Variants in NAALADL2 observed in about 807,000 individuals in gnomAD.
The protein encoded by NAALADL2 is N-acetylated alpha-linked acidic dipeptidase like 2.
A neutral mutation model predicts 87.2 loss-of-function variants in NAALADL2; 76 were observed. The observed-to-expected ratio is 0.87, with a 90% confidence interval of 0.72 to 1.05. The LOEUF (loss-of-function observed/expected upper bound fraction) is 1.05. Among genes scored for constraint, NAALADL2 ranks in the 50% least tolerant of loss-of-function variants. The pLI, the probability that NAALADL2 is intolerant of heterozygous loss-of-function variation, is 0.00. For missense variants in NAALADL2, 1,089 were observed against 945.8 expected, an observed-to-expected ratio of 1.15 and a Z score of -1.99; for synonymous variants, 354 against 331.0, an observed-to-expected ratio of 1.07 and a Z score of -0.75.
chr3:175,727,074 C>T (rs1226136037), intron 11 of NAALADL2, among the ~76,000 whole-genome samples: 1 of 152,090 alleles, frequency 6.6e-6, no homozygotes, highest in African/African-American at 2.4e-5. Flanking sequence ...TGTCTTCTTT[C>T]TTTGCTTCAC....
chr3:175,613,882 A>G (rs2094549757), intron 10 of NAALADL2, among the ~76,000 whole-genome samples: 1 of 152,202 alleles, frequency 6.6e-6, no homozygotes, highest in African/African-American at 2.4e-5. Context: ...TTCATGTTAT[A>G]GAATACAAGG....
At chr3:175,427,913 G>A (rs1477654538) in intron 5 of NAALADL2, among the ~76,000 whole-genome samples, 4 of 152,048 alleles carry the variant, frequency 2.6e-5, no homozygotes, top group Non-Finnish European at 5.9e-5. Context: ...TTGTAGAAAC[G>A]TTGACATATA....
At chr3:175,681,112 A>C (rs1735534957) in intron 11 of NAALADL2, among the ~76,000 whole-genome samples, 1 of 152,086 alleles carries the variant, frequency 6.6e-6, no homozygotes, top group Non-Finnish European at 1.5e-5. Context: ...GCTCTGTCTC[A>C]AAACAAAACA....
chr3:174,640,484 A>G (rs9850630), intron 2 of NAALADL2, among the ~76,000 whole-genome samples: 12,558 of 152,038 alleles, frequency 0.083, 1,488 homozygotes, highest in African/African-American at 0.26. Context: ...AAAAATGGGA[A>G]AGAGTCCACC....
At chr3:175,409,849 C>T (rs540806748) in intron 5 of NAALADL2, among the ~76,000 whole-genome samples, 5 of 151,948 alleles carry the variant, frequency 3.3e-5, no homozygotes, top group Admixed American at 1.3e-4. Flanking sequence ...TAACCTTTAT[C>T]AGGAAAGTTC....
intron 4 of NAALADL2, among the ~76,000 whole-genome samples, chr3:175,298,227 G>A (rs1581307745): frequency 6.6e-6 from 1 of 152,078 alleles, no homozygotes; most frequent in South Asian, 2.1e-4. Flanking sequence ...CTGTGGTAAA[G>A]CAACTCTGCA....
intron 3 of NAALADL2, among the ~76,000 whole-genome samples, chr3:174,817,162 A>G (rs1161120148): frequency 2.6e-5 from 4 of 152,216 alleles, no homozygotes; most frequent in Admixed American, 1.3e-4. Flanking sequence ...TGACTAGATA[A>G]TCCACAGGGA....
chr3:175,344,007 T>A (rs905300354), intron 5 of NAALADL2, among the ~76,000 whole-genome samples: 3 of 152,096 alleles, frequency 2.0e-5, no homozygotes, highest in African/African-American at 7.2e-5. Flanking sequence ...GTAAGTCCAT[T>A]TCTGTCTCCT....
chr3:175,240,922 A>G (rs1746754970), intron 3 of NAALADL2, among the ~76,000 whole-genome samples: 1 of 152,154 alleles, frequency 6.6e-6, no homozygotes, highest in Non-Finnish European at 1.5e-5. Context: ...TGGCCTCACA[A>G]AGTGCTAGGA....
rs372737114 is a variant in NAALADL2 at position 175,366,084 on chromosome 3, C to T, written c.1090+41759C>T. ...CCATGTGTTCTCATTGTTCAATTCC[C>T]ATCTGTGAGTGAGAACATGCAGTGT... On this transcript the variant is annotated intron_variant, in intron 5 of 13. Transcript: ENST00000454872. Among the ~76,000 whole-genome samples, 2 of 127,162 alleles carry T rather than the reference C, an allele frequency of 1.6e-5. 1 individual carries two copies. The highest frequency in any genetic ancestry group is 5.6e-4 in the South Asian group (2 of 3,570). The allele number at this position is 127,162 out of a possible 152,430, so 83.4% of individuals were successfully genotyped here. A position where few individuals can be genotyped will look rare whatever the true frequency, so the allele number is the denominator to read the frequency against.
Position 174,713,976 on chromosome 3 carries a change from T to C in NAALADL2, c.-114-23665T>C, listed in dbSNP as rs539805647. ...TTAATCCATCTTGAATTAATTTTTA[T>C]ATAAGGTGTGAGGAAGGGATCCAGT... On this transcript the variant is annotated intron_variant, in intron 2 of 3. Coordinates refer to the NAALADL2 transcript ENST00000434257. 1.8e-4 allele frequency among the ~76,000 whole-genome samples: 27 copies of C among 152,290 alleles called. 2 individuals carry two copies. The South Asian group carries it at 5.6e-3, about 32-fold the overall frequency.
chr3:175,695,068 C>T (rs1406636431), intron 11 of NAALADL2, among the ~76,000 whole-genome samples: 2 of 147,452 alleles, frequency 1.4e-5, no homozygotes, highest in Non-Finnish European at 3.0e-5. Flanking sequence ...CATATAGGTG[C>T]TTGAAAAAAA....
At chr3:175,667,241 A>AAGAGAAAAAG (rs1182682303) in intron 11 of NAALADL2, among the ~76,000 whole-genome samples, 1 of 91,716 alleles carries the variant, frequency 1.1e-5, no homozygotes, top group Admixed American at 1.0e-4. Flanking sequence ...GAAAGAAAGA[A>AAGAGAAAAAG]AAAGAAAGAA....
At chr3:175,463,722 GA>G (rs1337037992) in intron 7 of NAALADL2, among the ~76,000 whole-genome samples, 1 of 151,118 alleles carries the variant, frequency 6.6e-6, no homozygotes, top group African/African-American at 2.5e-5. Context: ...GAGAGAGAGA[GA>G]GAGAGAGAGA....
chr3:175,652,262 G>A (rs1730861110), intron 11 of NAALADL2, among the ~76,000 whole-genome samples: 1 of 152,064 alleles, frequency 6.6e-6, no homozygotes, highest in Non-Finnish European at 1.5e-5. Flanking sequence ...TATATGGGGA[G>A]GCAGTGAAGG....
intron 2 of NAALADL2, among the ~76,000 whole-genome samples, chr3:175,110,446 C>T (rs1046320848): frequency 1.3e-5 from 2 of 151,666 alleles, no homozygotes; most frequent in African/African-American, 4.8e-5. Context: ...TTCAGCCCTT[C>T]GTATGTATAG....
In NAALADL2 at chr3:175,482,739, C is replaced by T. The variant is rs1726677353; in HGVS notation, c.1653+10981C>T. Reference sequence around the variant, plus strand: ...TTACAAAATAATAGTAAATTTAGGACACATTAATACTCTATCTGGATAATA... The same window carrying T: ...TTACAAAATAATAGTAAATTTAGGATACATTAATACTCTATCTGGATAATA... On this transcript the variant is annotated intron_variant, in intron 9 of 13. Transcript: ENST00000454872. 2.6e-5 allele frequency among the ~76,000 whole-genome samples: 4 copies of T among 151,680 alleles called. No individual in the cohort carries two copies. The South Asian group carries it at 8.3e-4, about 31-fold the overall frequency.
chr3:175,071,118 A>G (rs1312482353), intron 1 of NAALADL2, among the ~76,000 whole-genome samples: 1 of 152,084 alleles, frequency 6.6e-6, no homozygotes, highest in South Asian at 2.1e-4. Context: ...CAGTTAGTGC[A>G]CTGCAGGGGC....
At chr3:174,830,580 T>A (rs538119487) in intron 3 of NAALADL2, among the ~76,000 whole-genome samples, 14 of 151,990 alleles carry the variant, frequency 9.2e-5, no homozygotes, top group Non-Finnish European at 2.1e-4. Flanking sequence ...GGCTTAGGAT[T>A]GACTTGGCGA....
Sources: gnomAD v4.1 joint callset for allele counts (sites outside exome capture counted in the v4.1 genomes callset) on GRCh38, gnomAD v4.1.1 for gene constraint, MANE v1.5 for transcripts, NCBI Gene and HGNC (gene_info 2026-07-23, HGNC 2026-07-21) for gene names.